The following PLCB1 variants were observed in gnomAD, a reference collection of about 807,000 sequenced individuals.
The protein encoded by PLCB1 is 1-phosphatidylinositol 4,5-bisphosphate phosphodiesterase beta-1.
Under a neutral mutation model 161.8 loss-of-function variants are expected in PLCB1, and 46 were observed. That is an observed-to-expected ratio of 0.28 (90% CI 0.22 to 0.36). PLCB1 has a LOEUF of 0.36. PLCB1 is among the 10% of genes least tolerant of loss of function. The pLI, the probability that PLCB1 is intolerant of heterozygous loss-of-function variation, is 1.00. For missense variants in PLCB1, 1,016 were observed against 1,472.5 expected, an observed-to-expected ratio of 0.69 and a Z score of 5.07; for synonymous variants, 517 against 503.7, an observed-to-expected ratio of 1.03 and a Z score of -0.35.
intron 2 of PLCB1, among the ~76,000 whole-genome samples, chr20:8,230,714 G>A (rs548384044): frequency 2.0e-5 from 3 of 152,094 alleles, no homozygotes; most frequent in African/African-American, 4.8e-5. Flanking sequence ...TTCCCAGCCC[G>A]CCAGTCACAT....
At chr20:8,366,456 A>G (rs1251038482) in intron 2 of PLCB1, among the ~76,000 whole-genome samples, 7 of 152,224 alleles carry the variant, frequency 4.6e-5, no homozygotes, top group Non-Finnish European at 1.0e-4. Context: ...TTCACAAACC[A>G]GGATGAAATA....
chr20:8,199,146 T>A (rs1309514308), intron 2 of PLCB1, among the ~76,000 whole-genome samples: 3 of 152,116 alleles, frequency 2.0e-5, no homozygotes, highest in African/African-American at 7.2e-5. Flanking sequence ...TCCTTGACAA[T>A]GAACATTGAG....
chr20:8,462,175 G>C (rs1259401136), intron 3 of PLCB1, among the ~76,000 whole-genome samples: 7 of 152,070 alleles, frequency 4.6e-5, no homozygotes, highest in Admixed American at 2.0e-4. Flanking sequence ...AAAATCACAA[G>C]GGGTAACATT....
At chr20:8,874,100 T>TG (rs1386776692) in intron 31 of PLCB1, among the ~76,000 whole-genome samples, 2 of 152,022 alleles carry the variant, frequency 1.3e-5, no homozygotes, top group African/African-American at 4.8e-5. Flanking sequence ...GTATTTGAGG[T>TG]GATAAATATG....
intron 10 of PLCB1, among the ~76,000 whole-genome samples, chr20:8,687,463 G>A (rs1990385439): frequency 6.6e-6 from 1 of 152,156 alleles, no homozygotes; most frequent in Non-Finnish European, 1.5e-5. Context: ...AGTATACACT[G>A]AACCATATTG....
intron 31 of PLCB1, among the ~76,000 whole-genome samples, chr20:8,869,187 T>TTGA (rs1229221230): frequency 1.5e-5 from 2 of 133,010 alleles, no homozygotes; most frequent in Admixed American, 8.4e-5. Flanking sequence ...GGTTATTATC[T>TTGA]TGATTATTTT....
intron 1 of PLCB1, among the ~76,000 whole-genome samples, chr20:8,139,580 A>G (rs533380717): frequency 2.3e-4 from 32 of 141,944 alleles, no homozygotes; most frequent in Non-Finnish European, 3.3e-4. Flanking sequence ...TTTTGCCATT[A>G]AAAAAAACAT....
intron 3 of PLCB1, among the ~76,000 whole-genome samples, chr20:8,617,995 G>A (rs1298113811): frequency 1.3e-5 from 2 of 152,086 alleles, no homozygotes; most frequent in Non-Finnish European, 2.9e-5. Context: ...ACAATAGGAT[G>A]ATTTGAATTC....
At chr20:8,236,844 G>C (rs1980354275) in intron 2 of PLCB1, among the ~76,000 whole-genome samples, 2 of 151,910 alleles carry the variant, frequency 1.3e-5, no homozygotes, top group African/African-American at 4.8e-5. Flanking sequence ...CCCAAAGAAA[G>C]AAAGAAATGC....
At chr20:8,800,056 C>T (rs1209106146) in intron 31 of PLCB1, among the ~76,000 whole-genome samples, 1 of 152,128 alleles carries the variant, frequency 6.6e-6, no homozygotes, top group Non-Finnish European at 1.5e-5. Context: ...TATTTACCTA[C>T]AGAAAATCCA....
At chr20:8,400,606 G>A (rs1040166281) in intron 3 of PLCB1, among the ~76,000 whole-genome samples, 7 of 151,856 alleles carry the variant, frequency 4.6e-5, no homozygotes, top group African/African-American at 1.5e-4. Context: ...TCTTGTTTTC[G>A]TTTCCCAGAA....
intron 23 of PLCB1, chr20:8,751,488 C>A (rs187206443): frequency 6.6e-6 from 1 of 152,272 alleles, no homozygotes; most frequent in East Asian, 1.9e-4. Flanking sequence ...TAAAAATGAT[C>A]TTTTCAGTTA....
At chr20:8,286,045 C>A (rs1224486437) in intron 2 of PLCB1, among the ~76,000 whole-genome samples, 2 of 152,184 alleles carry the variant, frequency 1.3e-5, no homozygotes, top group African/African-American at 2.4e-5. Flanking sequence ...AAATTTTCAT[C>A]CTGGCACAGT....
At chr20:8,276,668 T>C (rs1982561973) in intron 2 of PLCB1, among the ~76,000 whole-genome samples, 1 of 152,204 alleles carries the variant, frequency 6.6e-6, no homozygotes, top group Non-Finnish European at 1.5e-5. Flanking sequence ...CCAAAATATG[T>C]TGTTTTGTTT....
intron 3 of PLCB1, among the ~76,000 whole-genome samples, chr20:8,529,665 A>G (rs1984722866): frequency 3.3e-5 from 5 of 152,078 alleles, no homozygotes; most frequent in Admixed American, 2.0e-4. Context: ...CTGCAGTCAC[A>G]AAATTCAGAA....
At chr20:8,639,599 C>T (rs1988875301) in intron 4 of PLCB1, among the ~76,000 whole-genome samples, 1 of 152,194 alleles carries the variant, frequency 6.6e-6, no homozygotes, top group African/African-American at 2.4e-5. Context: ...ATGTGATTTG[C>T]CATGTGGCAC....
At chr20:8,721,418 T>G (rs2080951392) in intron 14 of PLCB1, among the ~76,000 whole-genome samples, 1 of 152,252 alleles carries the variant, frequency 6.6e-6, no homozygotes, top group Non-Finnish European at 1.5e-5. Context: ...TGAAAATCTT[T>G]TTTATATAAC....
intron 3 of PLCB1, among the ~76,000 whole-genome samples, chr20:8,504,698 A>G (rs1470005350): frequency 6.6e-6 from 1 of 152,116 alleles, no homozygotes; most frequent in Admixed American, 6.6e-5. Context: ...ACCAAACCAA[A>G]CCAACCAAAC....
intron 10 of PLCB1, among the ~76,000 whole-genome samples, chr20:8,692,353 C>G (rs905979052): frequency 6.6e-6 from 1 of 152,072 alleles, no homozygotes; most frequent in Non-Finnish European, 1.5e-5. Context: ...GCATATGCAA[C>G]GTTTTATCAT....
Sources: allele counts gnomAD v4.1 joint callset (sites outside exome capture counted in the v4.1 genomes callset), GRCh38; gene constraint gnomAD v4.1.1; transcripts MANE v1.5; gene names NCBI Gene and HGNC (gene_info 2026-07-23, HGNC 2026-07-21).